The following LPAR5 variants were observed in gnomAD, a reference collection of about 807,000 sequenced individuals.
LPAR5 encodes the protein G protein-coupled receptor 92.
For synonymous variants in LPAR5, 271 were observed against 261.6 expected (o/e 1.04, Z -0.35); for missense variants, 544 against 521.8 (o/e 1.04, Z -0.41).
chr12:6,625,470 C>T (rs1948930035), intron 1 of LPAR5, among the ~76,000 whole-genome samples: 1 of 148,414 alleles, frequency 6.7e-6, no homozygotes, highest in South Asian at 2.1e-4. Context: ...GCCTGTAATC[C>T]CAGCACTTTA....
At chr12:6,632,072 C>A (rs574663525) in intron 1 of LPAR5, among the ~76,000 whole-genome samples, 12 of 152,194 alleles carry the variant, frequency 7.9e-5, no homozygotes, top group African/African-American at 2.9e-4. Flanking sequence ...CCCGGATTCA[C>A]GCGATTCTCC....
chr12:6,630,715 G>A (rs1948975837), intron 1 of LPAR5, among the ~76,000 whole-genome samples: 2 of 151,762 alleles, frequency 1.3e-5, no homozygotes, highest in Non-Finnish European at 2.9e-5. Flanking sequence ...GCCTCCCAAA[G>A]TGCTGAGATT....
In LPAR5 at chr12:6,620,950, A is replaced by T. The variant is rs773654868; in HGVS notation, c.299T>A (p.Ile100Asn). The T allele has an allele frequency of 4.3e-6, 7 of 1,612,162 alleles. No homozygotes were observed. The South Asian group carries it at 6.6e-5, about 15-fold the overall frequency. Residue 100 changes from isoleucine to asparagine, a missense_variant, in exon 2 of 2, where the codon ATC becomes AAC. By Grantham distance (149) the Ile-to-Asn change is moderately radical. Transcript: ENST00000329858. This position sits in a 1 kb window ranked among gnomAD's most constrained non-coding sequence, Gnocchi z 6.8. ...PDLLCQTTGAIFQMNMYGSCI... is the reference protein window; with the variant it reads ...PDLLCQTTGANFQMNMYGSCI... ...GCTGCCGTACATGTTCATCTGGAAG[A>T]TGGCGCCCGTCGTCTGGCACAGGAG...
In LPAR5 at chr12:6,621,078, C is replaced by G; in HGVS notation, c.171G>C (p.Val57=). Residue 57 remains valine (V), a synonymous_variant, in exon 2 of 2, where the codon GTG becomes GTC. Coordinates refer to ENST00000329858, the MANE Select transcript of LPAR5 (RefSeq NM_020400.6). Reference sequence around the variant, plus strand: ...CCGCCAGGTTACACATGTACACGCTCACCACCGAGTGCACGCGCAGCGCGC... The same window carrying G: ...CCGCCAGGTTACACATGTACACGCTGACCACCGAGTGCACGCGCAGCGCGC... ...FLRALRVHSV[V]SVYMCNLAAS... 1 of 1,602,928 alleles carries G rather than the reference C, an allele frequency of 6.2e-7. No individual in the cohort carries two copies. The highest frequency in any genetic ancestry group is 1.3e-5 in the African/African-American group (1 of 74,754).
intron 1 of LPAR5, among the ~76,000 whole-genome samples, chr12:6,625,402 G>A (rs545255824): frequency 8.6e-5 from 12 of 139,794 alleles, no homozygotes; most frequent in African/African-American, 2.1e-4. Flanking sequence ...GCCAGCCTGG[G>A]CAACAGAGAC....
In LPAR5 at chr12:6,621,126, C is replaced by T. The variant is rs1437451945; in HGVS notation, c.123G>A (p.Ala41=). 2 of 1,601,958 alleles carry T rather than the reference C, an allele frequency of 1.2e-6. No homozygotes were observed. The highest frequency in any genetic ancestry group is 8.5e-7 in the Non-Finnish European group (1 of 1,173,832). Reference sequence around the variant, plus strand: ...CGCGCAGGAAGACCCAGAGGGCTAGCGCGTTGAGGGGGAGCCCGGCAGCCA... The same window carrying T: ...CGCGCAGGAAGACCCAGAGGGCTAGTGCGTTGAGGGGGAGCCCGGCAGCCA... ...LVLAAGLPLN[A]LALWVFLRAL... The change falls in exon 2 of 2, where the codon GCG becomes GCA. Residue 41 remains alanine, a synonymous_variant. Coordinates refer to ENST00000329858, the MANE Select transcript of LPAR5 (RefSeq NM_020400.6).
Position 6,622,742 on chromosome 12 carries a change from C to CA in LPAR5, c.-216-1279dup, listed in dbSNP as rs554776501. Among the ~76,000 whole-genome samples the CA allele has an allele frequency of 8.1e-4, 119 of 146,244 alleles. 1 individual carries two copies. The highest frequency in any genetic ancestry group is 5.6e-3 in the South Asian group (26 of 4,618). On this transcript the variant is annotated intron_variant, in intron 1 of 1. Transcript: ENST00000329858. ...TGGGTGACAGAGCAAGACTCTGTCT[C>CA]AAAAAAAAATAAAATAAAAAATATT...
At chr12:6,625,200 C>T (rs992062669) in intron 1 of LPAR5, among the ~76,000 whole-genome samples, 3 of 151,588 alleles carry the variant, frequency 2.0e-5, no homozygotes, top group African/African-American at 4.8e-5. Context: ...CCGAGGCAGG[C>T]GGATCACGAG....
chr12:6,627,070 A>G (rs141366376), intron 1 of LPAR5, among the ~76,000 whole-genome samples: 2 of 152,258 alleles, frequency 1.3e-5, no homozygotes, highest in Non-Finnish European at 2.9e-5. Context: ...ACATAGATAC[A>G]TTATTTCACT....
intron 1 of LPAR5, among the ~76,000 whole-genome samples, chr12:6,628,028 C>CTTTTTTTTTTTTTTTTTTTTTT (rs71067128): frequency 1.5e-5 from 2 of 134,488 alleles, no homozygotes; most frequent in African/African-American, 2.7e-5. Context: ...TTTCTTTTTT[C>CTTTTTTTTTTTTTTTTTTTTTT]TTTTTTTTTT....
chr12:6,630,175 G>A (rs1375675769), intron 1 of LPAR5, among the ~76,000 whole-genome samples: 2 of 151,756 alleles, frequency 1.3e-5, no homozygotes, highest in East Asian at 1.9e-4. Flanking sequence ...GGAGGCTGGA[G>A]TGCAGTATCA....
At chr12:6,628,686 G>A (rs1363498680) in intron 1 of LPAR5, among the ~76,000 whole-genome samples, 1 of 146,500 alleles carries the variant, frequency 6.8e-6, no homozygotes, top group African/African-American at 2.6e-5. Context: ...AGACTGGAGT[G>A]CAATGGCACG....
In LPAR5 at chr12:6,620,699, A is replaced by G. The variant is rs980279126; in HGVS notation, c.550T>C (p.Trp184Arg). ...LCFESFSDEL[W>R]KGRLLPLVLL... ...ACGAGGGGCAGCAGCCTGCCTTTCC[A>G]CAGCTCGTCGCTGAAGCTCTCGAAG... Residue 184 changes from tryptophan (W) to arginine (R), a missense_variant, in exon 2 of 2, where the codon TGG becomes CGG. Transcript: ENST00000329858. The surrounding 1 kb of genome is among the most constrained non-coding windows in gnomAD (Gnocchi z 6.8). 53 of 1,576,002 alleles carry G rather than the reference A, an allele frequency of 3.4e-5. No homozygotes were observed. Among genetic ancestry groups the G allele is most frequent in the Non-Finnish European group, 4.4e-5 (51 of 1,160,768 alleles).
Position 6,621,293 on chromosome 12 carries a change from C to T in LPAR5, c.-45G>A. The T allele has an allele frequency of 6.8e-7, 1 of 1,461,016 alleles. No individual in the cohort carries two copies. The highest frequency in any genetic ancestry group is 2.5e-5 in the East Asian group (1 of 40,366). 90.5% of individuals were successfully genotyped at this position (1,461,016 alleles called of 1,614,324 possible). On this transcript the variant is annotated 5_prime_UTR_variant, in exon 2 of 2. Transcript: ENST00000329858. ...GAGCTAGGCTGGGGATGCCATGGAG[C>T]ACACCAGAATCATGGCATGGCATTC...
At chr12:6,622,624 G>A (rs1418292379) in intron 1 of LPAR5, among the ~76,000 whole-genome samples, 1 of 150,498 alleles carries the variant, frequency 6.6e-6, no homozygotes, top group African/African-American at 2.4e-5. Context: ...GGTGGCAGGC[G>A]CCTGTAATCC....
intron 1 of LPAR5, among the ~76,000 whole-genome samples, chr12:6,624,979 T>C (rs964783614): frequency 6.6e-5 from 10 of 152,214 alleles, no homozygotes; most frequent in African/African-American, 2.4e-4. Context: ...TGCTCATCCA[T>C]TCATCTGTCA....
chr12:6,621,197 A>G lies in LPAR5; in HGVS notation c.52T>C (p.Tyr18His), dbSNP rs1948893651. The change falls in exon 2 of 2, where the codon TAC becomes CAC. Residue 18 changes from tyrosine (Y) to histidine (H), a missense_variant. Physicochemically the swap from Tyr to His is moderately conservative, Grantham distance 83. Coordinates refer to ENST00000329858, the MANE Select transcript of LPAR5 (RefSeq NM_020400.6). ...TNSSVLPCPD[Y>H]RPTHRLHLVV... ...AAGTGCAGGCGGTGGGTAGGTCGGT[A>G]GTCAGGACACGGGAGAACAGAACTG... The G allele has an allele frequency of 4.5e-6, 7 of 1,551,124 alleles. No homozygotes were observed. The highest frequency in any genetic ancestry group is 6.1e-6 in the Non-Finnish European group (7 of 1,149,340).
At chr12:6,634,098 C>T (rs1246116730) in intron 1 of LPAR5, among the ~76,000 whole-genome samples, 4 of 152,052 alleles carry the variant, frequency 2.6e-5, no homozygotes, top group African/African-American at 9.6e-5. Context: ...CTCCGCCTCC[C>T]GGGTTCAAGG....
rs1239082747 is a variant in LPAR5 at position 6,621,046 on chromosome 12, T to C, written c.203A>G (p.Asp68Gly). Residue 68 changes from aspartate (D) to glycine (G), a missense_variant, in exon 2 of 2, where the codon GAC becomes GGC. Physicochemically the swap from Asp to Gly is moderately conservative, Grantham distance 94. Transcript: ENST00000329858. ...GGGCAGCGAGAGGGTGAAGAGCAGG[T>C]CGCTGGCCGCCAGGTTACACATGTA... ...SVYMCNLAASDLLFTLSLPVR... is the reference protein window; with the variant it reads ...SVYMCNLAASGLLFTLSLPVR... 1 of 1,606,178 alleles carries C rather than the reference T, an allele frequency of 6.2e-7. No homozygotes were observed. Among genetic ancestry groups the C allele is most frequent in the Admixed American group, 1.7e-5 (1 of 59,410 alleles).
Sources: allele counts gnomAD v4.1 joint callset (sites outside exome capture counted in the v4.1 genomes callset), GRCh38; gene constraint gnomAD v4.1.1; non-coding constraint Gnocchi (gnomAD v3.1); transcripts MANE v1.5; gene names NCBI Gene and HGNC (gene_info 2026-07-23, HGNC 2026-07-21).